POLR1C: variants seen among roughly 807,000 people sequenced by gnomAD.
POLR1C encodes DNA-directed RNA polymerases I and III subunit RPAC1.
POLR1C carries 42 observed loss-of-function variants against 38.3 expected under a neutral mutation model. The ratio of observed to expected loss-of-function variants is 1.10; its 90% CI spans 0.86 to 1.42. The LOEUF (loss-of-function observed/expected upper bound fraction) is 1.42, where lower values mean the gene tolerates loss of function less well. Ranked by LOEUF, POLR1C falls within the 40% of genes most tolerant of loss-of-function variation. POLR1C has a pLI of 0.00. For synonymous variants in POLR1C, 163 were observed against 163.9 expected, an observed-to-expected ratio of 0.99 and a Z score of 0.04; for missense variants, 507 against 450.5, an observed-to-expected ratio of 1.13 and a Z score of -1.14.
rs533652997 is a variant in POLR1C, at chr6:43,539,085, C to T, written c.*4+9726C>T. The T allele has an allele frequency of 7.2e-4, 990 of 1,367,728 alleles. 3 individuals carry two copies. The highest frequency in any genetic ancestry group is 2.2e-3 in the South Asian group (186 of 84,912). The allele number at this position is 1,367,728 out of a possible 1,614,324, so 84.7% of individuals were successfully genotyped here. Reference sequence around the variant, plus strand: ...ATGAGCAGCTTCTTGGGCACAGGTGCGGAGACAATGCCAGTGCCCCTGGGT... The same window carrying T: ...ATGAGCAGCTTCTTGGGCACAGGTGTGGAGACAATGCCAGTGCCCCTGGGT... On this transcript the variant is annotated intron_variant, in intron 9 of 10. Coordinates refer to the POLR1C transcript ENST00000607635.
At chr6:43,520,213 C>T (rs979075107) in intron 5 of POLR1C, 28 bp downstream of exon 5, 1 of 1,614,054 alleles carries the variant, frequency 6.2e-7, no homozygotes, top group South Asian at 1.1e-5. Context: ...GAGGAAGAGG[C>T]CCCACCTGTG....
downstream of POLR1C, chr6:43,526,114 T>C (rs1561862906): frequency 1.7e-6 from 1 of 581,398 alleles, no homozygotes; most frequent in East Asian, 2.9e-5. Context: ...GCACTCAAGC[T>C]GTACATGAGG....
At chr6:43,560,825 T>G (rs1196416482) in intron 10 of POLR1C, 1 of 1,024,694 alleles carries the variant, frequency 9.8e-7, no homozygotes, top group Non-Finnish European at 1.5e-6. Context: ...GCCTGAAGAG[T>G]CACATTTTAT....
intron 2 of POLR1C, among the ~76,000 whole-genome samples, chr6:43,517,846 C>T (rs1013521317): frequency 1.3e-5 from 2 of 152,160 alleles, no homozygotes; most frequent in Non-Finnish European, 2.9e-5. Context: ...TATTGTTTCA[C>T]TTAGCTTAAA....
intron 9 of POLR1C, chr6:43,549,749 C>A: frequency 8.8e-7 from 1 of 1,137,290 alleles, no homozygotes; most frequent in South Asian, 1.5e-5. Flanking sequence ...TTCTTGTATG[C>A]CCTATAGTGG....
In POLR1C at chr6:43,520,991, C is replaced by T. The variant is rs765798937; in HGVS notation, c.865C>T (p.Arg289Trp). 36 of 1,614,004 alleles carry T rather than the reference C, an allele frequency of 2.2e-5. No homozygotes were observed. The highest frequency in any genetic ancestry group is 4.5e-5 in the East Asian group (2 of 44,894). The change falls in exon 8 of 9, where the codon CGG becomes TGG. Residue 289 changes from arginine (R) to tryptophan (W), a missense_variant. Physicochemically the swap from Arg to Trp is moderately radical, Grantham distance 101. Coordinates refer to ENST00000642195, the MANE Select transcript of POLR1C (RefSeq NM_203290.4). ...RLDTFSREIF[R>W]NEKLKKVVRL... ...GGATACCTTCAGCAGAGAAATCTTC[C>T]GGAATGAGAAGCTAAAGAAGGTTGT...
downstream of POLR1C, chr6:43,524,868 G>GA: frequency 6.2e-7 from 1 of 1,613,908 alleles, no homozygotes; most frequent in Non-Finnish European, 8.5e-7. Flanking sequence ...ATGGACCAGG[G>GA]AAGCCATGCA....
At chr6:43,534,068 T>G, downstream of POLR1C, 1 of 1,341,344 alleles carries the variant, frequency 7.5e-7, no homozygotes, top group Non-Finnish European at 1.0e-6. Context: ...AGAGTGGGTT[T>G]TGCTTGTAAT....
chr6:43,554,080 C>T (rs1380178505), intron 10 of POLR1C, among the ~76,000 whole-genome samples: 3 of 152,106 alleles, frequency 2.0e-5, no homozygotes, highest in Admixed American at 1.3e-4. Context: ...AATAGCAAGG[C>T]ACAAGCAAAA....
chr6:43,523,570 G>A, downstream of POLR1C: 1 of 564,670 alleles, frequency 1.8e-6, no homozygotes, highest in Non-Finnish European at 3.4e-6. Flanking sequence ...GAGGGCTTGT[G>A]GGAGAAGGGC....
intron 9 of POLR1C, chr6:43,539,699 G>A (rs1313392958): frequency 1.4e-5 from 10 of 720,810 alleles, no homozygotes; most frequent in East Asian, 5.5e-5. Context: ...GGCGTCATCC[G>A]CCATTTGGTG....
downstream of POLR1C, chr6:43,524,808 TC>T: frequency 6.2e-7 from 1 of 1,611,912 alleles, no homozygotes; most frequent in Non-Finnish European, 8.5e-7. Flanking sequence ...CAGCCATCCT[TC>T]CCCCATGCCT....
At chr6:43,550,396 C>A (rs972191081) in intron 9 of POLR1C, among the ~76,000 whole-genome samples, 1 of 152,188 alleles carries the variant, frequency 6.6e-6, no homozygotes, top group Non-Finnish European at 1.5e-5. Context: ...TAATTTGCAA[C>A]AAATGAGCCC....
chr6:43,523,383 GAA>G (rs963178454), downstream of POLR1C: 5 of 297,430 alleles, frequency 1.7e-5, no homozygotes, highest in African/African-American at 8.7e-5. Context: ...AGGGAGTGGG[GAA>G]AGTTTCCTGC....
downstream of POLR1C, chr6:43,525,027 C>G (rs1188654809): frequency 6.3e-7 from 1 of 1,593,150 alleles, no homozygotes. Flanking sequence ...CTCAGCACCC[C>G]AGTTCTTCTG....
chr6:43,549,637 A>C, intron 9 of POLR1C: 2 of 1,563,050 alleles, frequency 1.3e-6, no homozygotes, highest in Non-Finnish European at 1.7e-6. Flanking sequence ...CAGGTGCTGC[A>C]TAGACTCATG....
At chr6:43,549,603 C>T (rs372170726) in intron 9 of POLR1C, 209 of 1,607,638 alleles carry the variant, frequency 1.3e-4, no homozygotes, top group Non-Finnish European at 1.6e-4. Flanking sequence ...TCAACAAACT[C>T]GGAGCTGCTT....
At chr6:43,548,322 C>T (rs760578587) in intron 9 of POLR1C, 27 of 1,613,630 alleles carry the variant, frequency 1.7e-5, no homozygotes, top group South Asian at 1.2e-4. Context: ...TCTAGGAACA[C>T]CTTCTGACGC....
rs796052127 is a variant in POLR1C, at chr6:43,519,782, G to T, written c.326G>T (p.Arg109Leu). 1.2e-6 allele frequency: 2 copies of T among 1,614,166 alleles called. No individual in the cohort carries two copies. The highest frequency in any genetic ancestry group is 8.5e-7 in the Non-Finnish European group (1 of 1,180,016). The change falls in exon 4 of 9, where the codon CGT becomes CTT. Residue 109 changes from arginine to leucine, a missense_variant. Physicochemically the swap from Arg to Leu is moderately radical, Grantham distance 102. Coordinates refer to ENST00000642195, the MANE Select transcript of POLR1C (RefSeq NM_203290.4). ...GTTCAGGATGAGATTCTTGCTCACC[G>T]TCTGGGGCTCATTCCCATTCATGCT... ...SIVQDEILAH[R>L]LGLIPIHADP...
Sources: gnomAD v4.1 joint callset for allele counts (sites outside exome capture counted in the v4.1 genomes callset) on GRCh38, gnomAD v4.1.1 for gene constraint, MANE v1.5 for transcripts, NCBI Gene and HGNC (gene_info 2026-07-23, HGNC 2026-07-21) for gene names.